The following SLCO3A1 variants were observed in gnomAD, a reference collection of about 807,000 sequenced individuals.
SLCO3A1 encodes the protein PGE1 transporter.
In SLCO3A1, 27 loss-of-function variants were observed where a neutral mutation model predicts 63.1. The ratio of observed to expected loss-of-function variants is 0.43; its 90% confidence interval spans 0.32 to 0.59. The LOEUF is 0.59. Ranked by LOEUF, SLCO3A1 falls within the 20% of genes least tolerant of loss-of-function variation. The probability of loss-of-function intolerance (pLI) is 0.09; values close to 1 mark genes in which losing one functional copy is unlikely to be tolerated. For missense variants in SLCO3A1, 773 were observed against 945.8 expected (o/e 0.82, Z 2.40); for synonymous variants, 473 against 409.9 (o/e 1.15, Z -1.86).
downstream of SLCO3A1, among the ~76,000 whole-genome samples, chr15:92,169,089 A>G (rs772044048): frequency 5.3e-5 from 8 of 152,250 alleles, no homozygotes; most frequent in Non-Finnish European, 5.9e-5. Context: ...ACATTTCTCA[A>G]GCACTGACTA....
chr15:92,095,867 T>C (rs113049797), intron 3 of SLCO3A1, among the ~76,000 whole-genome samples: 3,187 of 152,184 alleles, frequency 0.021, 118 homozygotes, highest in African/African-American at 0.073. Flanking sequence ...AGGAAACCAG[T>C]TTTACTCTGG....
At chr15:92,102,718 C>G (rs2047620841) in intron 3 of SLCO3A1, among the ~76,000 whole-genome samples, 1 of 152,122 alleles carries the variant, frequency 6.6e-6, no homozygotes. Flanking sequence ...TTCCAAAGGC[C>G]ACTTGCTACC....
rs1350755977 is a variant in SLCO3A1 at position 91,859,161 on chromosome 15, C to T, written c.180+5073C>T. Among the ~76,000 whole-genome samples, 7 of 152,178 alleles carry T rather than the reference C, an allele frequency of 4.6e-5. No homozygotes were observed. The highest frequency in any genetic ancestry group is 2.1e-4 in the South Asian group (1 of 4,820). On this transcript the variant is annotated intron_variant, in intron 1 of 9. Coordinates refer to ENST00000318445, the MANE Select transcript of SLCO3A1 (RefSeq NM_013272.4). This position sits in a 1 kb window ranked among gnomAD's most constrained non-coding sequence, Gnocchi z 5.1. ...TTGTATGCCATACTTTTTGAAGGTG[C>T]GAAGGGACATTTCAATGGTAACTTT...
At chr15:92,031,053 G>T (rs1193681939) in intron 2 of SLCO3A1, among the ~76,000 whole-genome samples, 1 of 151,416 alleles carries the variant, frequency 6.6e-6, no homozygotes, top group African/African-American at 2.4e-5. Context: ...GGAAGGGGAG[G>T]ATGTTTCATC....
chr15:91,972,237 G>A (rs992080023), intron 2 of SLCO3A1, among the ~76,000 whole-genome samples: 5 of 152,122 alleles, frequency 3.3e-5, no homozygotes, highest in South Asian at 4.1e-4. Flanking sequence ...AGGTGGCTGC[G>A]CTGGGTTGGG....
At chr15:91,881,793 G>A (rs1222368516) in intron 1 of SLCO3A1, among the ~76,000 whole-genome samples, 2 of 152,110 alleles carry the variant, frequency 1.3e-5, no homozygotes, top group African/African-American at 4.8e-5. Context: ...TACTCCCCTG[G>A]CCCAGACTTT....
chr15:92,137,898 C>T (rs1449426898), intron 7 of SLCO3A1, among the ~76,000 whole-genome samples: 5 of 118,056 alleles, frequency 4.2e-5, no homozygotes, highest in African/African-American at 8.6e-5. Flanking sequence ...GAGTAGGTTG[C>T]GAAAATTTTC....
chr15:92,000,422 T>C (rs941957187), intron 2 of SLCO3A1, among the ~76,000 whole-genome samples: 5 of 151,204 alleles, frequency 3.3e-5, no homozygotes, highest in African/African-American at 1.2e-4. Context: ...AAAAAGAATC[T>C]GGGGAGTGAC....
intron 2 of SLCO3A1, among the ~76,000 whole-genome samples, chr15:91,998,551 A>T (rs1044488193): frequency 6.6e-6 from 1 of 152,212 alleles, no homozygotes; most frequent in East Asian, 1.9e-4. Context: ...GCTCAGCATC[A>T]CTAATTATCA....
At chr15:91,867,014 C>T (rs1897181809) in intron 1 of SLCO3A1, among the ~76,000 whole-genome samples, 1 of 152,110 alleles carries the variant, frequency 6.6e-6, no homozygotes, top group Admixed American at 6.5e-5. Context: ...TCATTGGAGG[C>T]AGCATGTGAT....
chr15:92,114,490 G>A (rs1188036465), intron 4 of SLCO3A1, among the ~76,000 whole-genome samples: 1 of 152,104 alleles, frequency 6.6e-6, no homozygotes, highest in African/African-American at 2.4e-5. Flanking sequence ...AGCCTGCACG[G>A]GGCACATTAG....
rs186981594 is a variant in SLCO3A1, at chr15:91,996,732, A to G, written c.646+80274A>G. On this transcript the variant is annotated intron_variant, in intron 2 of 9. Coordinates refer to ENST00000318445, the MANE Select transcript of SLCO3A1 (RefSeq NM_013272.4). ...GCTAAATGAGAGCAACAACACTACA[A>G]TTAATGAGGAAAAATGATTCATTTA... is the stretch of plus-strand genomic sequence containing the variant. 4.6e-5 allele frequency among the ~76,000 whole-genome samples: 7 copies of G among 152,326 alleles called. No individual in the cohort carries two copies. In the East Asian group the frequency reaches 1.2e-3, roughly 25 times the overall value.
chr15:92,161,413 C>T (rs191112877), intron 9 of SLCO3A1, among the ~76,000 whole-genome samples: 1 of 152,198 alleles, frequency 6.6e-6, no homozygotes, highest in East Asian at 1.9e-4. Flanking sequence ...CGGATAACAG[C>T]AGGCAAAGAA....
intron 2 of SLCO3A1, among the ~76,000 whole-genome samples, chr15:91,963,173 G>T (rs979008777): frequency 6.6e-5 from 10 of 152,048 alleles, no homozygotes; most frequent in Non-Finnish European, 1.3e-4. Flanking sequence ...GAATTCCTTT[G>T]TTATCTTGTC....
At chr15:92,059,328 T>C (rs2047058481) in intron 2 of SLCO3A1, among the ~76,000 whole-genome samples, 1 of 152,236 alleles carries the variant, frequency 6.6e-6, no homozygotes, top group Non-Finnish European at 1.5e-5. Flanking sequence ...GCTTTCTCTC[T>C]GCCCTCAGGC....
intron 2 of SLCO3A1, among the ~76,000 whole-genome samples, chr15:91,943,829 C>G (rs1277004240): frequency 6.6e-6 from 1 of 152,186 alleles, no homozygotes; most frequent in East Asian, 1.9e-4. Flanking sequence ...CTTCCTCTCC[C>G]CAGAGGCCAG....
chr15:91,962,332 A>T (rs1233102013), intron 2 of SLCO3A1, among the ~76,000 whole-genome samples: 1 of 152,048 alleles, frequency 6.6e-6, no homozygotes, highest in Non-Finnish European at 1.5e-5. Context: ...ATACAAAATT[A>T]GCCAGGCATG....
At chr15:91,932,149 C>T (rs1899258698) in intron 2 of SLCO3A1, among the ~76,000 whole-genome samples, 2 of 152,060 alleles carry the variant, frequency 1.3e-5, no homozygotes, top group Admixed American at 1.3e-4. Flanking sequence ...AACTGAGGCT[C>T]AGCAGAATTA....
intron 2 of SLCO3A1, among the ~76,000 whole-genome samples, chr15:92,039,507 AACG>A (rs1441408372): frequency 6.6e-6 from 1 of 151,508 alleles, no homozygotes; most frequent in African/African-American, 2.4e-5. Context: ...CGCAAAACAA[AACG>A]ACAATGAGAT....
Sources: allele counts gnomAD v4.1 joint callset (sites outside exome capture counted in the v4.1 genomes callset), GRCh38; gene constraint gnomAD v4.1.1; non-coding constraint Gnocchi (gnomAD v3.1); transcripts MANE v1.5; gene names NCBI Gene and HGNC (gene_info 2026-07-23, HGNC 2026-07-21).